SMPD3: variants seen among roughly 807,000 people sequenced by gnomAD.
The protein encoded by SMPD3 is sphingomyelin phosphodiesterase 3.
SMPD3 carries 21 observed loss-of-function variants against 55.7 expected under a neutral mutation model. The ratio of observed to expected loss-of-function variants is 0.38; its 90% CI spans 0.27 to 0.54. SMPD3 has a LOEUF of 0.54. Ranked by LOEUF, SMPD3 falls within the 20% of genes least tolerant of loss-of-function variation. The pLI is 0.80. For missense variants in SMPD3, 842 were observed against 899.6 expected (o/e 0.94, Z 0.82); for synonymous variants, 457 against 404.3 (o/e 1.13, Z -1.56).
intron 3 of SMPD3, among the ~76,000 whole-genome samples, chr16:68,365,875 C>T (rs1222355945): frequency 6.6e-6 from 1 of 152,154 alleles, no homozygotes; most frequent in African/African-American, 2.4e-5. Context: ...ACCCTGCAGG[C>T]AATTCATAAC....
Position 68,371,323 on chromosome 16 carries a change from C to G in SMPD3, c.859G>C (p.Gly287Arg), listed in dbSNP as rs759989372. 1.3e-6 allele frequency: 2 copies of G among 1,597,048 alleles called. No individual in the cohort carries two copies. Among genetic ancestry groups the G allele is most frequent in the East Asian group, 2.2e-5 (1 of 44,864 alleles). Residue 287 changes from glycine (G) to arginine (R), a missense_variant, in exon 3 of 9, where the codon GGG (glycine) becomes CGG (arginine). By Grantham distance (125) the Gly-to-Arg change is moderately radical (BLOSUM62 -2). Transcript: ENST00000219334. ...GQTPNHNQQDGDSGSLGSPSA... is the reference protein window; with the variant it reads ...GQTPNHNQQDRDSGSLGSPSA... Reference sequence around the variant, plus strand: ...GGGCTGCCCAGGCTCCCTGAATCCCCGTCCTGCTGATTATGGTTGGGCGTC... The same window carrying G: ...GGGCTGCCCAGGCTCCCTGAATCCCGGTCCTGCTGATTATGGTTGGGCGTC...
At chr16:68,368,961 T>C (rs2089572109) in intron 3 of SMPD3, 2 of 152,276 alleles carry the variant, frequency 1.3e-5, no homozygotes, top group Non-Finnish European at 2.9e-5. Flanking sequence ...CTCACGCCTG[T>C]AATTCCAGCA....
At chr16:68,438,706 A>G (rs1445472501) in intron 1 of SMPD3, among the ~76,000 whole-genome samples, 2 of 151,514 alleles carry the variant, frequency 1.3e-5, no homozygotes, top group African/African-American at 4.9e-5. Flanking sequence ...TCCCCATCCC[A>G]CTCACCCCTC....
chr16:68,432,992 T>C (rs1303782031), intron 1 of SMPD3, among the ~76,000 whole-genome samples: 1 of 152,030 alleles, frequency 6.6e-6, no homozygotes, highest in African/African-American at 2.4e-5. Context: ...CTGGTGGAGA[T>C]GAGGTCTCAC....
At position 68,361,685 on chromosome 16, in the gene SMPD3, C is replaced by A. The variant is rs755175875; in HGVS notation, c.1784G>T (p.Arg595Leu). The A allele has an allele frequency of 2.5e-6, 4 of 1,612,832 alleles. No individual in the cohort carries two copies. The highest frequency in any genetic ancestry group is 1.7e-5 in the Admixed American group (1 of 60,028). The change falls in exon 8 of 9, where the codon CGG (arginine) becomes CTG (leucine). Residue 595 changes from arginine (R) to leucine (L), a missense_variant. Transcript: ENST00000219334. ...PTSKSSGQKG[R>L]KELLKGNGRR... Reference sequence around the variant, plus strand: ...GCCGTTGCCCTTCAGCAGCTCCTTCCGCCCCTTCTGGCCCGAGCTCTTGCT... The same window carrying A: ...GCCGTTGCCCTTCAGCAGCTCCTTCAGCCCCTTCTGGCCCGAGCTCTTGCT...
At chr16:68,379,102 C>T (rs911169106) in intron 2 of SMPD3, among the ~76,000 whole-genome samples, 3 of 152,226 alleles carry the variant, frequency 2.0e-5, no homozygotes, top group Admixed American at 6.5e-5. Context: ...TTCTAAAATG[C>T]GATTCTATCA....
chr16:68,419,316 G>T (rs1179168979), intron 1 of SMPD3, among the ~76,000 whole-genome samples: 2 of 152,220 alleles, frequency 1.3e-5, no homozygotes, highest in African/African-American at 4.8e-5. Flanking sequence ...TCTGGAACAT[G>T]CATTGAGCAC....
intron 1 of SMPD3, among the ~76,000 whole-genome samples, chr16:68,422,906 G>A (rs2090406899): frequency 6.6e-6 from 1 of 152,148 alleles, no homozygotes; most frequent in South Asian, 2.1e-4. Flanking sequence ...TCCTTGAAAA[G>A]CACCAGTTTC....
intron 1 of SMPD3, among the ~76,000 whole-genome samples, chr16:68,416,297 C>T (rs978940014): frequency 2.0e-5 from 3 of 152,206 alleles, no homozygotes; most frequent in African/African-American, 7.2e-5. Flanking sequence ...AGGCCTCGCC[C>T]TCTTCCCTGG....
intron 1 of SMPD3, among the ~76,000 whole-genome samples, chr16:68,433,277 A>G (rs1313591142): frequency 1.3e-5 from 2 of 152,234 alleles, no homozygotes; most frequent in Admixed American, 6.5e-5. Flanking sequence ...AAATGCTCTC[A>G]TCACCAGCCT....
At chr16:68,423,573 A>G (rs2090413502) in intron 1 of SMPD3, among the ~76,000 whole-genome samples, 1 of 152,178 alleles carries the variant, frequency 6.6e-6, no homozygotes, top group African/African-American at 2.4e-5. Flanking sequence ...CAGAACTGTA[A>G]GAAATACATT....
intron 1 of SMPD3, among the ~76,000 whole-genome samples, chr16:68,428,207 C>G (rs2090452028): frequency 6.6e-6 from 1 of 152,174 alleles, no homozygotes; most frequent in Non-Finnish European, 1.5e-5. Flanking sequence ...GATTTTCCAG[C>G]TCAAAGGCCC....
chr16:68,410,640 T>C (rs1246707571), intron 1 of SMPD3, among the ~76,000 whole-genome samples: 1 of 152,224 alleles, frequency 6.6e-6, no homozygotes, highest in Admixed American at 6.5e-5. Flanking sequence ...CTCGCTTTCT[T>C]GCAGAGTTTG....
At chr16:68,370,130 A>C (rs1401512569) in intron 3 of SMPD3, 1 of 152,290 alleles carries the variant, frequency 6.6e-6, no homozygotes, top group Non-Finnish European at 1.5e-5. Context: ...CACTCTGAGC[A>C]TCTCAGGCGC....
chr16:68,419,278 G>C (rs2090368382), intron 1 of SMPD3, among the ~76,000 whole-genome samples: 2 of 152,226 alleles, frequency 1.3e-5, no homozygotes, highest in Admixed American at 1.3e-4. Context: ...GCTTGAGCCA[G>C]GGTCCCACTG....
intron 3 of SMPD3, chr16:68,369,535 AC>A (rs1365648754): frequency 6.6e-6 from 1 of 152,030 alleles, no homozygotes; most frequent in East Asian, 1.9e-4. Context: ...ACATCCTCCC[AC>A]CCTGGACCTG....
intron 2 of SMPD3, among the ~76,000 whole-genome samples, chr16:68,374,456 C>A (rs927511219): frequency 2.0e-5 from 3 of 152,214 alleles, no homozygotes; most frequent in Admixed American, 2.0e-4. Flanking sequence ...CAGACCACAG[C>A]GGGGCAACCT....
rs1270910585 is a variant in SMPD3 at position 68,405,215 on chromosome 16, C to T, written c.-268-18556G>A. Reference sequence around the variant, plus strand: ...TTCCATCCTGCTGGCCTGGACCACACGGTTCCATGACTTTGCCAGATTCCT... The same window carrying T: ...TTCCATCCTGCTGGCCTGGACCACATGGTTCCATGACTTTGCCAGATTCCT... On this transcript the variant is annotated intron_variant, in intron 1 of 8. Transcript: ENST00000219334. Among the ~76,000 whole-genome samples the T allele has an allele frequency of 2.6e-5, 4 of 152,080 alleles. No homozygotes were observed. The South Asian group carries it at 6.2e-4, about 24-fold the overall frequency.
intron 1 of SMPD3, among the ~76,000 whole-genome samples, chr16:68,420,413 G>A (rs1377924786): frequency 6.6e-6 from 1 of 152,196 alleles, no homozygotes; most frequent in Non-Finnish European, 1.5e-5. Flanking sequence ...AGCCTGGTAC[G>A]GAGCCTATAT....
Sources: gnomAD v4.1 joint callset for allele counts (sites outside exome capture counted in the v4.1 genomes callset) on GRCh38, gnomAD v4.1.1 for gene constraint, MANE v1.5 for transcripts, NCBI Gene and HGNC (gene_info 2026-07-23, HGNC 2026-07-21) for gene names.